SLC16A2: variants seen among roughly 807,000 people sequenced by gnomAD.
The protein encoded by SLC16A2 is solute carrier family 16 member 2, also known as monocarboxylate transporter 8.
Under a neutral mutation model 27.2 loss-of-function variants are expected in SLC16A2, and 3 were observed. The observed-to-expected ratio is 0.11, with a 90% CI of 0.05 to 0.28. The LOEUF (loss-of-function observed/expected upper bound fraction) is 0.28. Ranked by LOEUF, SLC16A2 falls within the 10% of genes least tolerant of loss-of-function variation. SLC16A2 has a pLI of 1.00. For synonymous variants in SLC16A2, 202 were observed against 187.8 expected, an observed-to-expected ratio of 1.08 and a Z score of -0.62; for missense variants, 295 against 458.5, an observed-to-expected ratio of 0.64 and a Z score of 3.26.
At chrX:74,467,947 C>T (rs1018046807) in intron 1 of SLC16A2, among the ~76,000 whole-genome samples, 1 of 111,375 alleles carries the variant, frequency 9.0e-6, no homozygotes, top group Non-Finnish European at 1.9e-5. Context: ...TCATTCACAC[C>T]ATATCATTCA....
At chrX:74,436,792 T>A (rs1928639210) in intron 1 of SLC16A2, among the ~76,000 whole-genome samples, 1 of 111,957 alleles carries the variant, frequency 8.9e-6, no homozygotes, top group African/African-American at 3.2e-5. Flanking sequence ...GTTAGGGGTT[T>A]CTTATCAAGG....
intron 1 of SLC16A2, among the ~76,000 whole-genome samples, chrX:74,495,679 G>A (rs1172004199): frequency 1.8e-5 from 2 of 109,195 alleles, no homozygotes; most frequent in African/African-American, 6.6e-5. Flanking sequence ...TAGCTTCCAG[G>A]TTTCTATAAT....
chrX:74,470,923 G>A (rs933297657), intron 1 of SLC16A2, among the ~76,000 whole-genome samples: 1 of 110,763 alleles, frequency 9.0e-6, no homozygotes, highest in African/African-American at 3.3e-5. Context: ...GGGCTACAGA[G>A]CGAGACTCCG....
chrX:74,478,884 T>C (rs1404193863), intron 1 of SLC16A2, among the ~76,000 whole-genome samples: 1 of 111,910 alleles, frequency 8.9e-6, no homozygotes, highest in African/African-American at 3.3e-5. Flanking sequence ...TCTTTGTGGG[T>C]AACCCGACCT....
intron 1 of SLC16A2, among the ~76,000 whole-genome samples, chrX:74,458,336 G>A (rs1409917516): frequency 8.9e-6 from 1 of 111,811 alleles, no homozygotes; most frequent in African/African-American, 3.2e-5. Context: ...TTGGTGTGGC[G>A]TAAACACTTA....
Position 74,515,321 on chromosome X carries a change from T to C in SLC16A2, c.431-5669T>C, listed in dbSNP as rs149024622. 1.2e-3 allele frequency among the ~76,000 whole-genome samples: 132 copies of C among 110,333 alleles called. No individual in the cohort carries two copies. In the East Asian group the frequency reaches 0.034, roughly 28 times the overall value. On this transcript the variant is annotated intron_variant, in intron 1 of 5. Transcript: ENST00000587091. ...AGACAGAAGAAGGAATCAGTGAACT[T>C]GAAGGCAGAACAATAATAATTATCC...
At chrX:74,488,625 C>G (rs978451392) in intron 1 of SLC16A2, among the ~76,000 whole-genome samples, 1 of 110,713 alleles carries the variant, frequency 9.0e-6, no homozygotes, top group Non-Finnish European at 1.9e-5. Flanking sequence ...AACAAAATTC[C>G]TTTTTACTAA....
At chrX:74,484,663 G>A (rs1185354001) in intron 1 of SLC16A2, among the ~76,000 whole-genome samples, 3 of 111,902 alleles carry the variant, frequency 2.7e-5, no homozygotes, top group Non-Finnish European at 5.6e-5. Flanking sequence ...TCAGATGGTT[G>A]GGGAGCCTTA....
rs188532843 is a variant in SLC16A2, at chrX:74,463,672, G to A, written c.430+41605G>A. ...CTCCCGAGTAGCTGGGACTACAGGCGCCTGCCACCATACCCGGCTAATTTT... is the reference window on the plus strand; with the variant it reads ...CTCCCGAGTAGCTGGGACTACAGGCACCTGCCACCATACCCGGCTAATTTT... On this transcript the variant is annotated intron_variant, in intron 1 of 5. Coordinates refer to ENST00000587091, the MANE Select transcript of SLC16A2 (RefSeq NM_006517.5). 3.7e-3 allele frequency among the ~76,000 whole-genome samples: 408 copies of A among 110,550 alleles called. 2 individuals carry two copies. The highest frequency in any genetic ancestry group is 0.012 in the African/African-American group (379 of 30,364).
intron 1 of SLC16A2, among the ~76,000 whole-genome samples, chrX:74,519,523 C>G (rs1342191528): frequency 3.0e-5 from 3 of 99,952 alleles, no homozygotes; most frequent in African/African-American, 1.1e-4. Context: ...ACCATCCTGG[C>G]TAACACAGTG....
intron 1 of SLC16A2, among the ~76,000 whole-genome samples, chrX:74,475,471 G>T (rs1344269971): frequency 9.3e-6 from 1 of 107,763 alleles, no homozygotes; most frequent in Non-Finnish European, 1.9e-5. Flanking sequence ...CTGTGCAGAA[G>T]CTCTTTAGTT....
chrX:74,523,825 A>G (rs1930447824), intron 2 of SLC16A2, among the ~76,000 whole-genome samples: 1 of 112,271 alleles, frequency 8.9e-6, no homozygotes, highest in South Asian at 3.7e-4. Flanking sequence ...TCTCAGAAGA[A>G]CATCAGCCAT....
chrX:74,532,232 G>C lies in SLC16A2; in HGVS notation c.*679G>C, dbSNP rs774793588. ...ACACATGGGTGCTTGAAGAAAGGAG[G>C]GACCCGGAACTTGGGCCAATCAGCC... On this transcript the variant is annotated 3_prime_UTR_variant, in exon 6 of 6. Coordinates refer to ENST00000587091, the MANE Select transcript of SLC16A2 (RefSeq NM_006517.5). 8.8e-6 allele frequency: 1 copy of C among 113,693 alleles called. No homozygotes were observed. Among genetic ancestry groups the C allele is most frequent in the East Asian group, 2.8e-4 (1 of 3,571 alleles). 9.4% of individuals were successfully genotyped at this position (113,693 alleles called of 1,213,427 possible).
At chrX:74,478,024 T>C in intron 1 of SLC16A2, among the ~76,000 whole-genome samples, 1 of 111,926 alleles carries the variant, frequency 8.9e-6, no homozygotes, top group East Asian at 2.8e-4. Context: ...AGAGCTGAGA[T>C]CAGTTCCTGG....
intron 1 of SLC16A2, among the ~76,000 whole-genome samples, chrX:74,508,758 G>A (rs1349739062): frequency 9.0e-6 from 1 of 111,028 alleles, no homozygotes; most frequent in Non-Finnish European, 1.9e-5. Flanking sequence ...ATGTTACATA[G>A]GTAAACATGT....
At chrX:74,468,870 T>G (rs1423484871) in intron 1 of SLC16A2, among the ~76,000 whole-genome samples, 1 of 111,569 alleles carries the variant, frequency 9.0e-6, no homozygotes, top group Non-Finnish European at 1.9e-5. Flanking sequence ...AAATACACAA[T>G]TTTTTGTAAC....
At chrX:74,509,649 C>T (rs1455757412) in intron 1 of SLC16A2, among the ~76,000 whole-genome samples, 1 of 111,236 alleles carries the variant, frequency 9.0e-6, no homozygotes, top group Admixed American at 9.5e-5. Flanking sequence ...CTGCAACCTC[C>T]ACCTCCTGGG....
chrX:74,495,355 C>G (rs1349982178), intron 1 of SLC16A2, among the ~76,000 whole-genome samples: 2 of 109,808 alleles, frequency 1.8e-5, no homozygotes, highest in African/African-American at 3.3e-5. Flanking sequence ...CATCCTGGGC[C>G]TGAGCATCCT....
intron 1 of SLC16A2, among the ~76,000 whole-genome samples, chrX:74,491,281 G>C (rs1929820011): frequency 1.8e-5 from 2 of 112,007 alleles, no homozygotes; most frequent in Admixed American, 1.9e-4. Context: ...ATACATTTAA[G>C]ATATACATTG....
Sources: gnomAD v4.1 joint callset for allele counts (sites outside exome capture counted in the v4.1 genomes callset) on GRCh38, gnomAD v4.1.1 for gene constraint, MANE v1.5 for transcripts, NCBI Gene and HGNC (gene_info 2026-07-23, HGNC 2026-07-21) for gene names.